Variants in SFXN1 observed in about 807,000 individuals in gnomAD.
The protein encoded by SFXN1 is sideroflexin 1, also known as sideroflexin-1.
In SFXN1, 32 loss-of-function variants were observed where a neutral mutation model predicts 39.5. The observed-to-expected ratio is 0.81, with a 90% confidence interval of 0.61 to 1.09. The LOEUF is 1.09. SFXN1 is among the 50% of genes least tolerant of loss of function. SFXN1 has a pLI of 0.00. For synonymous variants in SFXN1, 136 were observed against 146.5 expected (o/e 0.93, Z 0.52); for missense variants, 402 against 407.1 (o/e 0.99, Z 0.11).
intron 1 of SFXN1, among the ~76,000 whole-genome samples, chr5:175,487,831 TC>T (rs1759505694): frequency 6.6e-6 from 1 of 152,104 alleles, no homozygotes; most frequent in African/African-American, 2.4e-5. Context: ...CTCGGCCCTC[TC>T]CACCTCCAGT....
At chr5:175,492,069 G>T in intron 1 of SFXN1, 26 bp from the exon 2 acceptor site, 1 of 1,581,878 alleles carries the variant, frequency 6.3e-7, no homozygotes, top group South Asian at 1.2e-5. Context: ...AGCCTTACAC[G>T]AACTTGCCTT....
chr5:175,496,424 T>G (rs1759863616), intron 2 of SFXN1, among the ~76,000 whole-genome samples: 1 of 151,542 alleles, frequency 6.6e-6, no homozygotes, highest in Non-Finnish European at 1.5e-5. Flanking sequence ...GATTATAGTG[T>G]CAAAAAACAA....
At chr5:175,519,322 C>T (rs757639222) in intron 8 of SFXN1, among the ~76,000 whole-genome samples, 1 of 152,148 alleles carries the variant, frequency 6.6e-6, no homozygotes, top group African/African-American at 2.4e-5. Flanking sequence ...AGATGCTGCC[C>T]TATGATCCAG....
Position 175,497,364 on chromosome 5 carries a change from T to G in SFXN1, c.164+5097T>G, listed in dbSNP as rs559984224. ...ATCATGTTTTAAGTATGACTGCCAA[T>G]ATATAGTTCTAGTGGGATACCCACA... On this transcript the variant is annotated intron_variant, in intron 2 of 10. Coordinates refer to ENST00000321442, the MANE Select transcript of SFXN1 (RefSeq NM_022754.7). Among the ~76,000 whole-genome samples the G allele has an allele frequency of 5.3e-5, 8 of 152,318 alleles. No individual in the cohort carries two copies. In the South Asian group the frequency reaches 8.3e-4, roughly 16 times the overall value.
chr5:175,497,902 C>T (rs1317853536), intron 2 of SFXN1, among the ~76,000 whole-genome samples: 1 of 143,278 alleles, frequency 7.0e-6, no homozygotes, highest in African/African-American at 2.6e-5. Flanking sequence ...TGCACTCCAG[C>T]GCAGGTGACA....
At chr5:175,485,864 A>G (rs571853591) in intron 1 of SFXN1, among the ~76,000 whole-genome samples, 5 of 152,180 alleles carry the variant, frequency 3.3e-5, no homozygotes, top group Non-Finnish European at 7.3e-5. Flanking sequence ...GCTTTGAATG[A>G]CATCCCAGAA....
At chr5:175,493,589 G>T (rs137915504) in intron 2 of SFXN1, among the ~76,000 whole-genome samples, 6 of 152,280 alleles carry the variant, frequency 3.9e-5, no homozygotes, top group African/African-American at 1.2e-4. Context: ...GTGAAGACAG[G>T]CAAAAGCCGT....
chr5:175,496,673 A>C (rs1167598789), intron 2 of SFXN1, among the ~76,000 whole-genome samples: 1 of 152,238 alleles, frequency 6.6e-6, no homozygotes, highest in Non-Finnish European at 1.5e-5. Context: ...TAAAAAGCTC[A>C]GTGATGATAT....
At chr5:175,507,586 A>T (rs2261676) in intron 2 of SFXN1, among the ~76,000 whole-genome samples, 37,665 of 152,014 alleles carry the variant, frequency 0.25, 6,411 homozygotes, top group African/African-American at 0.48. Flanking sequence ...GCTCTAATGG[A>T]TTCCTGTTTT....
chr5:175,516,048 C>G (rs1435470967), intron 7 of SFXN1, among the ~76,000 whole-genome samples: 2 of 148,956 alleles, frequency 1.3e-5, no homozygotes, highest in African/African-American at 2.6e-5. Flanking sequence ...CGGTCGCTGA[C>G]CTGACAGGAG....
chr5:175,515,165 C>T (rs1041965640), intron 7 of SFXN1, among the ~76,000 whole-genome samples: 1 of 152,150 alleles, frequency 6.6e-6, no homozygotes, highest in Non-Finnish European at 1.5e-5. Context: ...TACAGGCGTG[C>T]GCCACCACAC....
chr5:175,492,077 C>G lies in SFXN1; in HGVS notation c.-9-18C>G. On this transcript the variant is annotated intron_variant, in intron 1 of 10. Transcript: ENST00000321442. ...CATTGTAAGCCTTACACGAACTTGC[C>G]TTTTTGACTCTTTGCAGTCCGGGAC... The G allele has an allele frequency of 6.3e-7, 1 of 1,588,746 alleles. No individual in the cohort carries two copies. Among genetic ancestry groups the G allele is most frequent in the East Asian group, 2.3e-5 (1 of 44,118 alleles).
intron 5 of SFXN1, 133 bp from the exon 6 acceptor site, chr5:175,511,978 A>G: frequency 1.3e-6 from 1 of 793,022 alleles, no homozygotes; most frequent in Non-Finnish European, 2.0e-6. Context: ...AAAAGTTTTG[A>G]AAGCATTCTT....
chr5:175,513,779 G>C (rs1183899983), intron 7 of SFXN1, 189 bp downstream of exon 7: 2 of 559,940 alleles, frequency 3.6e-6, no homozygotes, highest in Non-Finnish European at 6.2e-6. Flanking sequence ...GGGGGCAATG[G>C]GGCTAGGGCG....
chr5:175,507,517 A>G (rs558912643), intron 2 of SFXN1, among the ~76,000 whole-genome samples: 1 of 152,348 alleles, frequency 6.6e-6, no homozygotes, highest in African/African-American at 2.4e-5. Flanking sequence ...GACTGAAAAT[A>G]CATGCATGAA....
rs149788799 is a variant in SFXN1 at position 175,524,446 on chromosome 5, T to C, written c.872+2024T>C. On this transcript the variant is annotated intron_variant, in intron 10 of 10. Transcript: ENST00000321442. ...ATTGTTGTTGTTGTATAATAGTGCA[T>C]TGTATGAATGCACCACAGTTTCCCG... Among the ~76,000 whole-genome samples, 592 of 151,794 alleles carry C rather than the reference T, an allele frequency of 3.9e-3. 7 individuals are homozygous for C. Among genetic ancestry groups the C allele is most frequent in the African/African-American group, 0.013 (547 of 41,478 alleles).
intron 8 of SFXN1, among the ~76,000 whole-genome samples, chr5:175,521,145 A>G: frequency 6.6e-6 from 1 of 152,044 alleles, no homozygotes; most frequent in South Asian, 2.1e-4. Flanking sequence ...ATATAACCAT[A>G]TATCTCATCA....
chr5:175,502,286 A>T (rs538268595), intron 2 of SFXN1, among the ~76,000 whole-genome samples: 113 of 152,224 alleles, frequency 7.4e-4, no homozygotes, highest in African/African-American at 2.5e-3. Flanking sequence ...TCTTGTAGCT[A>T]ATTTGGTAGT....
intron 2 of SFXN1, among the ~76,000 whole-genome samples, chr5:175,507,614 T>C (rs1760354809): frequency 6.6e-6 from 1 of 152,192 alleles, no homozygotes; most frequent in African/African-American, 2.4e-5. Context: ...TTTTTGACAA[T>C]GAATACGTGC....
Sources: allele counts gnomAD v4.1 joint callset (sites outside exome capture counted in the v4.1 genomes callset), GRCh38; gene constraint gnomAD v4.1.1; transcripts MANE v1.5; gene names NCBI Gene and HGNC (gene_info 2026-07-23, HGNC 2026-07-21).